The following RUSC2 variants were observed in gnomAD, a reference collection of about 807,000 sequenced individuals.
RUSC2 encodes the protein AP-4 complex accessory subunit RUSC2.
Under a neutral mutation model 122.2 loss-of-function variants are expected in RUSC2, and 34 were observed. The ratio of observed to expected loss-of-function variants is 0.28; its 90% CI spans 0.21 to 0.37. The LOEUF (loss-of-function observed/expected upper bound fraction) is 0.37. Ranked by LOEUF, RUSC2 falls within the 10% of genes least tolerant of loss-of-function variation. The pLI is 1.00. For missense variants in RUSC2, 1,747 were observed against 1,952.4 expected (o/e 0.89, Z 1.98); for synonymous variants, 784 against 790.0 (o/e 0.99, Z 0.13).
At chr9:35,490,791 CTT>C (rs1169651630) in intron 1 of RUSC2, among the ~76,000 whole-genome samples, 1 of 152,232 alleles carries the variant, frequency 6.6e-6, no homozygotes, top group Admixed American at 6.5e-5. Flanking sequence ...ACTGCACTCA[CTT>C]GCCGCGAAGG....
At chr9:35,501,954 A>G (rs1820824559) in intron 1 of RUSC2, among the ~76,000 whole-genome samples, 1 of 152,170 alleles carries the variant, frequency 6.6e-6, no homozygotes, top group African/African-American at 2.4e-5. Context: ...TGTTTTTAGA[A>G]TATTTAATAA....
chr9:35,560,569 G>A lies in RUSC2; in HGVS notation c.3929G>A (p.Gly1310Glu). 1 of 1,614,106 alleles carries A rather than the reference G, an allele frequency of 6.2e-7. No homozygotes were observed. The highest frequency in any genetic ancestry group is 8.5e-7 in the Non-Finnish European group (1 of 1,179,974). ...AAAAAGAAAGGGGCAGGAGGTGGGG[G>A]ACCTCCCCAGGCTCCACCACCCCGA... ...SEKKKGAGGG[G>E]PPQAPPPREG... Residue 1310 changes from glycine (G) to glutamate (E), a missense_variant, in exon 10 of 12, where the codon GGA becomes GAA. By Grantham distance (98) the Gly-to-Glu change is moderately conservative (BLOSUM62 -2). Coordinates refer to ENST00000361226, the MANE Select transcript of RUSC2 (RefSeq NM_014806.5).
chr9:35,520,169 G>A (rs1821185543), intron 1 of RUSC2, among the ~76,000 whole-genome samples: 1 of 152,174 alleles, frequency 6.6e-6, no homozygotes, highest in Non-Finnish European at 1.5e-5. Flanking sequence ...ACTGTCCATG[G>A]TGAGCTGGAC....
intron 1 of RUSC2, among the ~76,000 whole-genome samples, chr9:35,539,904 G>A (rs555761576): frequency 1.6e-4 from 25 of 152,282 alleles, no homozygotes; most frequent in African/African-American, 5.5e-4. Context: ...TCAAGTCAAG[G>A]TCAGATTGCT....
In RUSC2 at chr9:35,555,106, G is replaced by C; in HGVS notation, c.2061G>C (p.Gln687His). ...SRPVLRYSKEQRPTTLPIQPF... is the reference protein window; with the variant it reads ...SRPVLRYSKEHRPTTLPIQPF... ...CAGTCCTTCGCTACAGCAAGGAACA[G>C]AGGCCAACCACACTGCCCATCCAGC... Residue 687 changes from glutamine to histidine, a missense_variant, in exon 3 of 12, where the codon CAG (glutamine) becomes CAC (histidine). Coordinates refer to ENST00000361226, the MANE Select transcript of RUSC2 (RefSeq NM_014806.5). This position sits in a 1 kb window ranked among gnomAD's most constrained non-coding sequence, Gnocchi z 4.6. The C allele has an allele frequency of 6.2e-7, 1 of 1,613,676 alleles. No homozygotes were observed. Among genetic ancestry groups the C allele is most frequent in the Non-Finnish European group, 8.5e-7 (1 of 1,180,016 alleles).
At chr9:35,528,218 T>A (rs1374917400) in intron 1 of RUSC2, among the ~76,000 whole-genome samples, 4 of 151,978 alleles carry the variant, frequency 2.6e-5, no homozygotes, top group African/African-American at 4.8e-5. Flanking sequence ...AGATGCCATC[T>A]CTACAAAAAA....
At position 35,555,247 on chromosome 9, in the gene RUSC2, G is replaced by T. The variant is rs754469316; in HGVS notation, c.2202G>T (p.Leu734=). The change falls in exon 3 of 12, where the codon CTG becomes CTT. Residue 734 remains leucine (L), a synonymous_variant. Coordinates refer to ENST00000361226, the MANE Select transcript of RUSC2 (RefSeq NM_014806.5). This position sits in a 1 kb window ranked among gnomAD's most constrained non-coding sequence, Gnocchi z 4.6. ...GCSRTQQPAP[L]AAPAAQVSVP... ...GCCGTACACAGCAGCCTGCCCCACT[G>T]GCTGCCCCTGCTGCTCAAGTCTCAG... is the stretch of plus-strand genomic sequence containing the variant. The T allele has an allele frequency of 4.3e-6, 7 of 1,613,118 alleles. No homozygotes were observed.
chr9:35,549,055 C>G (rs1218067975), intron 2 of RUSC2: 78 of 981,736 alleles, frequency 7.9e-5, no homozygotes, highest in Non-Finnish European at 9.4e-5. Context: ...TAAATAAATA[C>G]ACTGAGGAGA....
At position 35,557,611 on chromosome 9, in the gene RUSC2, G is replaced by A. The variant is rs931916322; in HGVS notation, c.2984-303G>A. Among the ~76,000 whole-genome samples, 1 of 152,154 alleles carries A rather than the reference G, an allele frequency of 6.6e-6. No individual in the cohort carries two copies. The highest frequency in any genetic ancestry group is 2.4e-5 in the African/African-American group (1 of 41,418). Reference sequence around the variant, plus strand: ...GGTCAGTGGCCCGGTTTCTCAGAGTGGAGAAAACCGATAGTTGGCCTGACC... The same window carrying A: ...GGTCAGTGGCCCGGTTTCTCAGAGTAGAGAAAACCGATAGTTGGCCTGACC... On this transcript the variant is annotated intron_variant, in intron 5 of 11. Transcript: ENST00000361226. This position sits in a 1 kb window ranked among gnomAD's most constrained non-coding sequence, Gnocchi z 4.6.
chr9:35,510,399 T>TA (rs1820992124), intron 1 of RUSC2, among the ~76,000 whole-genome samples: 1 of 152,218 alleles, frequency 6.6e-6, no homozygotes, highest in African/African-American at 2.4e-5. Flanking sequence ...CAATACAGTG[T>TA]AAACTGGACC....
intron 1 of RUSC2, among the ~76,000 whole-genome samples, chr9:35,491,914 A>G (rs1021667709): frequency 1.3e-5 from 2 of 152,278 alleles, no homozygotes; most frequent in East Asian, 1.9e-4. Context: ...CAGATGTTGC[A>G]GTGAGCTGAG....
At chr9:35,559,892 A>T in intron 9 of RUSC2, 137 bp from the exon 10 acceptor site, 1 of 722,836 alleles carries the variant, frequency 1.4e-6, no homozygotes, top group Non-Finnish European at 2.3e-6. Flanking sequence ...CAGCGTTTAT[A>T]CTTAGTACAT....
At chr9:35,532,190 T>C (rs1172440767) in intron 1 of RUSC2, among the ~76,000 whole-genome samples, 3 of 152,126 alleles carry the variant, frequency 2.0e-5, no homozygotes, top group Non-Finnish European at 2.9e-5. Context: ...AAAAATCGAT[T>C]TGGTTTTCGA....
intron 1 of RUSC2, among the ~76,000 whole-genome samples, chr9:35,510,081 C>T (rs1006365582): frequency 1.3e-5 from 2 of 152,128 alleles, no homozygotes; most frequent in Non-Finnish European, 1.5e-5. Context: ...AAGTGAGTTC[C>T]TATGCCTTAA....
At chr9:35,535,391 C>T (rs942836694) in intron 1 of RUSC2, among the ~76,000 whole-genome samples, 2 of 151,102 alleles carry the variant, frequency 1.3e-5, no homozygotes, top group African/African-American at 4.9e-5. Flanking sequence ...GCTAGGATTA[C>T]AGGCATTAGC....
rs1202357910 is a variant in RUSC2 at position 35,556,468 on chromosome 9, C to A, written c.2983+20C>A. On this transcript the variant is annotated intron_variant, in intron 5 of 11. Transcript: ENST00000361226. ...AAAAAGGTGCATACAACCCCCAGCT[C>A]AGGCCAGGGACTCTGCTGTCACTAC... 1.9e-6 allele frequency: 3 copies of A among 1,611,216 alleles called. No homozygotes were observed. Among genetic ancestry groups the A allele is most frequent in the South Asian group, 2.2e-5 (2 of 90,726 alleles).
Position 35,556,405 on chromosome 9 carries a change from T to C in RUSC2, c.2940T>C (p.Asp980=). 1.2e-6 allele frequency: 2 copies of C among 1,614,234 alleles called. No homozygotes were observed. The highest frequency in any genetic ancestry group is 1.7e-6 in the Non-Finnish European group (2 of 1,180,032). Reference sequence around the variant, plus strand: ...CAGCTGAGTTTTGTCTGTCCCCAGATGGCAGCTCAGAGGCCATTTCCATTG... The same window carrying C: ...CAGCTGAGTTTTGTCTGTCCCCAGACGGCAGCTCAGAGGCCATTTCCATTG... ...KPPAEFCLSP[D]GSSEAISIDL... Residue 980 remains aspartate, a synonymous_variant, in exon 5 of 12, where the codon GAT becomes GAC. Transcript: ENST00000361226.
chr9:35,552,645 C>A (rs922937480), intron 2 of RUSC2, among the ~76,000 whole-genome samples: 8 of 152,180 alleles, frequency 5.3e-5, no homozygotes, highest in Non-Finnish European at 8.8e-5. Flanking sequence ...TAGTCTCTCA[C>A]TCCTCCGAAC....
chr9:35,496,355 G>A (rs1056800650), intron 1 of RUSC2, among the ~76,000 whole-genome samples: 3 of 152,084 alleles, frequency 2.0e-5, no homozygotes, highest in Admixed American at 6.6e-5. Context: ...GTTCATCTTC[G>A]TAGAAACAAA....
Sources: allele counts gnomAD v4.1 joint callset (sites outside exome capture counted in the v4.1 genomes callset), GRCh38; gene constraint gnomAD v4.1.1; non-coding constraint Gnocchi (gnomAD v3.1); transcripts MANE v1.5; gene names NCBI Gene and HGNC (gene_info 2026-07-23, HGNC 2026-07-21).